WDFY2: variants seen among roughly 807,000 people sequenced by gnomAD.
WDFY2 encodes WD repeat and FYVE domain containing 2, also known as WD repeat and FYVE domain-containing protein 2.
Under a neutral mutation model 56.4 loss-of-function variants are expected in WDFY2, and 36 were observed. The observed-to-expected ratio is 0.64, with a 90% CI of 0.49 to 0.84. The LOEUF (loss-of-function observed/expected upper bound fraction) is 0.84. WDFY2 is among the 40% of genes least tolerant of loss of function. The pLI is 0.00. For synonymous variants in WDFY2, 176 were observed against 183.7 expected (o/e 0.96, Z 0.34); for missense variants, 444 against 512.2 (o/e 0.87, Z 1.29).
intron 3 of WDFY2, among the ~76,000 whole-genome samples, chr13:51,675,736 T>C (rs1478214924): frequency 1.3e-5 from 2 of 152,188 alleles, no homozygotes; most frequent in Non-Finnish European, 2.9e-5. Flanking sequence ...TTCTGTAAAT[T>C]TGTATGAATT....
intron 1 of WDFY2, among the ~76,000 whole-genome samples, chr13:51,640,506 A>C (rs949835465): frequency 6.6e-6 from 1 of 152,212 alleles, no homozygotes; most frequent in African/African-American, 2.4e-5. Flanking sequence ...GTACATATCT[A>C]TAAAGGATAA....
chr13:51,622,064 A>G (rs927925741), intron 1 of WDFY2, among the ~76,000 whole-genome samples: 1 of 152,308 alleles, frequency 6.6e-6, no homozygotes, highest in South Asian at 2.1e-4. Flanking sequence ...CTTCAACATT[A>G]TATTTTGGGT....
chr13:51,717,978 A>C (rs1952396160), intron 4 of WDFY2, among the ~76,000 whole-genome samples: 1 of 152,198 alleles, frequency 6.6e-6, no homozygotes, highest in Non-Finnish European at 1.5e-5. Flanking sequence ...AAAATGATGA[A>C]ATCATCCACT....
At chr13:51,614,365 A>G (rs1359778928) in intron 1 of WDFY2, among the ~76,000 whole-genome samples, 4 of 152,222 alleles carry the variant, frequency 2.6e-5, no homozygotes, top group African/African-American at 9.6e-5. Context: ...TTTTGCTGCA[A>G]CGAACAGAAA....
intron 1 of WDFY2, among the ~76,000 whole-genome samples, chr13:51,639,870 T>C (rs576017090): frequency 5.3e-5 from 8 of 152,348 alleles, no homozygotes; most frequent in African/African-American, 1.9e-4. Context: ...TCCTTTCTCA[T>C]TGACATATAC....
At chr13:51,725,305 G>A (rs1952580181) in intron 5 of WDFY2, among the ~76,000 whole-genome samples, 1 of 152,118 alleles carries the variant, frequency 6.6e-6, no homozygotes, top group Admixed American at 6.5e-5. Flanking sequence ...TTTGTCCTTA[G>A]AATATATTCT....
At chr13:51,642,605 T>G (rs1955189122) in intron 1 of WDFY2, among the ~76,000 whole-genome samples, 1 of 152,062 alleles carries the variant, frequency 6.6e-6, no homozygotes, top group Non-Finnish European at 1.5e-5. Flanking sequence ...GAGGTTTTTA[T>G]TTTAATGATA....
chr13:51,610,515 A>G (rs1954480904), intron 1 of WDFY2, among the ~76,000 whole-genome samples: 3 of 152,140 alleles, frequency 2.0e-5, no homozygotes, highest in African/African-American at 7.2e-5. Flanking sequence ...TTTCATTCCC[A>G]TTTTTAAGTT....
chr13:51,732,258 G>A (rs534819644), intron 6 of WDFY2, among the ~76,000 whole-genome samples: 19 of 152,098 alleles, frequency 1.2e-4, no homozygotes, highest in African/African-American at 4.6e-4. Context: ...AGCCTCCCTA[G>A]TAGCTGGGAC....
At chr13:51,714,747 TC>T (rs1952306041) in intron 4 of WDFY2, among the ~76,000 whole-genome samples, 1 of 152,222 alleles carries the variant, frequency 6.6e-6, no homozygotes, top group South Asian at 2.1e-4. Context: ...GCATATATAG[TC>T]ATGTGTTGCT....
intron 3 of WDFY2, among the ~76,000 whole-genome samples, chr13:51,688,488 G>C (rs1956097893): frequency 6.6e-6 from 1 of 152,178 alleles, no homozygotes; most frequent in African/African-American, 2.4e-5. Flanking sequence ...CACATTTTAA[G>C]TGTGGGCTAT....
At chr13:51,696,570 A>T (rs1017875960) in intron 3 of WDFY2, among the ~76,000 whole-genome samples, 1 of 152,358 alleles carries the variant, frequency 6.6e-6, no homozygotes, top group African/African-American at 2.4e-5. Flanking sequence ...GATGACCACA[A>T]GTCAGTGTGA....
chr13:51,606,866 T>C (rs1954393415), intron 1 of WDFY2, among the ~76,000 whole-genome samples: 1 of 152,198 alleles, frequency 6.6e-6, no homozygotes, highest in Non-Finnish European at 1.5e-5. Flanking sequence ...CATGTAATTC[T>C]AGAGGTTGCT....
At chr13:51,670,501 A>G (rs953020892) in intron 2 of WDFY2, among the ~76,000 whole-genome samples, 6 of 148,270 alleles carry the variant, frequency 4.0e-5, no homozygotes, top group African/African-American at 1.3e-4. Context: ...ACACACACAC[A>G]CACACACACA....
chr13:51,734,677 T>A (rs1952797780), intron 6 of WDFY2, among the ~76,000 whole-genome samples: 1 of 152,156 alleles, frequency 6.6e-6, no homozygotes, highest in Admixed American at 6.5e-5. Context: ...TTCCAGAACT[T>A]CTTCATCATC....
intron 5 of WDFY2, among the ~76,000 whole-genome samples, chr13:51,721,461 G>T (rs964560971): frequency 2.6e-5 from 4 of 152,104 alleles, no homozygotes; most frequent in African/African-American, 9.7e-5. Flanking sequence ...TGTCCAATTT[G>T]CCCTGACTGT....
At chr13:51,589,239 G>A (rs1954000165) in intron 1 of WDFY2, 1 of 152,236 alleles carries the variant, frequency 6.6e-6, no homozygotes. Context: ...GTCAGCAAAG[G>A]TATTTAAGTT....
chr13:51,601,174 C>T (rs1245557079), intron 1 of WDFY2, among the ~76,000 whole-genome samples: 1 of 152,050 alleles, frequency 6.6e-6, no homozygotes, highest in Non-Finnish European at 1.5e-5. Context: ...TATTAAATTG[C>T]ATTTTGTGAT....
Position 51,701,392 on chromosome 13 carries a change from G to A in WDFY2, c.280-2204G>A, listed in dbSNP as rs1482199520. Among the ~76,000 whole-genome samples the A allele has an allele frequency of 2.0e-5, 3 of 151,708 alleles. No homozygotes were observed. The East Asian group carries it at 5.9e-4, about 30-fold the overall frequency. On this transcript the variant is annotated intron_variant, in intron 3 of 11. Coordinates refer to ENST00000298125, the MANE Select transcript of WDFY2 (RefSeq NM_052950.4). ...AAAAATTAGCCAGGCATGGTGGCAT[G>A]TACCTGTAGTCTCAGCTACTCAGGA...
Sources: gnomAD v4.1 joint callset for allele counts (sites outside exome capture counted in the v4.1 genomes callset) on GRCh38, gnomAD v4.1.1 for gene constraint, MANE v1.5 for transcripts, NCBI Gene and HGNC (gene_info 2026-07-23, HGNC 2026-07-21) for gene names.